AZIN2: variants seen among roughly 807,000 people sequenced by gnomAD.
AZIN2 encodes ODC antizyme inhibitor-2.
Under a neutral mutation model 47.8 loss-of-function variants are expected in AZIN2, and 28 were observed. The ratio of observed to expected loss-of-function variants is 0.59; its 90% CI spans 0.43 to 0.80. The LOEUF (loss-of-function observed/expected upper bound fraction) is 0.80, where lower values mean the gene tolerates loss of function less well. Among genes scored for constraint, AZIN2 ranks in the 30% least tolerant of loss-of-function variants. The pLI is 0.00. For missense variants in AZIN2, 535 were observed against 582.5 expected, an observed-to-expected ratio of 0.92 and a Z score of 0.84; for synonymous variants, 221 against 239.4, an observed-to-expected ratio of 0.92 and a Z score of 0.71.
chr1:33,123,825 C>T (rs12040146), downstream of AZIN2, among the ~76,000 whole-genome samples: 32,368 of 152,118 alleles, frequency 0.21, 4,057 homozygotes, highest in South Asian at 0.31. Context: ...AGTGAAACCC[C>T]GTCTCTACTA....
intron 5 of AZIN2, among the ~76,000 whole-genome samples, chr1:33,091,483 G>T (rs56308731): frequency 5.9e-5 from 9 of 151,972 alleles, no homozygotes; most frequent in Non-Finnish European, 1.2e-4. Flanking sequence ...CAAGTGATCT[G>T]CCCACCTCAG....
Position 33,084,025 on chromosome 1 carries a change from C to G in AZIN2, c.177C>G (p.Cys59Trp). Residue 59 changes from cysteine to tryptophan, a missense_variant, in exon 5 of 12, where the codon TGC becomes TGG. This residue lies in a region of AZIN2 where 409 missense variants were observed against 429.0 expected (regional missense o/e 0.95). Coordinates refer to ENST00000294517, the MANE Select transcript of AZIN2 (RefSeq NM_052998.4). The part of the protein sequence containing the change: ...IVRKHFCFLK[C>W]LPRVRPFYAV... ...GGAAGCACTTTTGCTTTCTGAAGTG[C>G]CTGCCACGAGTCCGGCCCTTTTATG... 1.2e-6 allele frequency: 2 copies of G among 1,614,186 alleles called. No homozygotes were observed. The highest frequency in any genetic ancestry group is 8.5e-7 in the Non-Finnish European group (1 of 1,180,052).
At chr1:33,153,871 T>A in the AZIN2 span, among the ~76,000 whole-genome samples, 1 of 152,236 alleles carries the variant, frequency 6.6e-6, no homozygotes, top group Non-Finnish European at 1.5e-5. Flanking sequence ...CTGTGCTAGC[T>A]GCTGGGAGTG....
chr1:33,130,689 T>A, the AZIN2 span, among the ~76,000 whole-genome samples: 1 of 152,290 alleles, frequency 6.6e-6, no homozygotes, highest in African/African-American at 2.4e-5. Context: ...ATAAGTAATA[T>A]TCGTGGTTTT....
chr1:33,109,134 C>G (rs928212708), intron 10 of AZIN2, among the ~76,000 whole-genome samples: 1 of 152,260 alleles, frequency 6.6e-6, no homozygotes, highest in East Asian at 1.9e-4. Flanking sequence ...TATTTGCCAT[C>G]TGTATATATT....
chr1:33,164,740 C>T, the AZIN2 span: 2 of 152,226 alleles, frequency 1.3e-5, no homozygotes, highest in Non-Finnish European at 2.9e-5. Flanking sequence ...GGGACATGCT[C>T]AGGATTGACT....
At chr1:33,106,670 T>C (rs1458065744) in intron 10 of AZIN2, among the ~76,000 whole-genome samples, 1 of 152,214 alleles carries the variant, frequency 6.6e-6, no homozygotes, top group Non-Finnish European at 1.5e-5. Context: ...AAAAATCATA[T>C]GATCATCTCA....
At chr1:33,094,202 G>A (rs1226804449) in intron 7 of AZIN2, among the ~76,000 whole-genome samples, 1 of 152,160 alleles carries the variant, frequency 6.6e-6, no homozygotes, top group Non-Finnish European at 1.5e-5. Flanking sequence ...TCTTGTCCCC[G>A]CATTATAGGT....
downstream of AZIN2, among the ~76,000 whole-genome samples, chr1:33,124,387 G>C (rs950718327): frequency 1.3e-5 from 2 of 150,550 alleles, no homozygotes; most frequent in Non-Finnish European, 3.0e-5. The surrounding 1 kb of genome is among the most constrained non-coding windows in gnomAD (Gnocchi z 4.6). Context: ...AAGATTAATT[G>C]AAAGTGTATT....
the AZIN2 span, among the ~76,000 whole-genome samples, chr1:33,133,960 G>A: frequency 6.6e-6 from 1 of 152,196 alleles, no homozygotes. Context: ...ACTCAACCTG[G>A]CGAGCTGCCT....
At chr1:33,148,837 G>GAC in the AZIN2 span, among the ~76,000 whole-genome samples, 1 of 152,172 alleles carries the variant, frequency 6.6e-6, no homozygotes, top group Non-Finnish European at 1.5e-5. Flanking sequence ...TCTTCCATTT[G>GAC]ACAGATGAGG....
chr1:33,109,483 C>T (rs1644186079), intron 10 of AZIN2, among the ~76,000 whole-genome samples: 1 of 152,002 alleles, frequency 6.6e-6, no homozygotes, highest in Non-Finnish European at 1.5e-5. Flanking sequence ...TGTGCACTAC[C>T]AAGCCTGGCT....
At chr1:33,093,445 T>G (rs1642798515) in intron 7 of AZIN2, 29 bp downstream of exon 7, 9 of 1,607,164 alleles carry the variant, frequency 5.6e-6, no homozygotes, top group Non-Finnish European at 7.7e-6. Flanking sequence ...TGCCATCCCC[T>G]CCCACACCAG....
In AZIN2 at chr1:33,122,899, T is replaced by G. The variant is rs1644821227; in HGVS notation, c.*2717T>G. The stretch of plus-strand genomic sequence containing the variant: ...ACTGGCCCCTTCTTCCCCTTTCCCC[T>G]CCACAGTCCATCCTCCACTCAGCAG... On this transcript the variant is annotated 3_prime_UTR_variant, in exon 12 of 12. Transcript: ENST00000294517. Among the ~76,000 whole-genome samples, 1 of 152,038 alleles carries G rather than the reference T, an allele frequency of 6.6e-6. No homozygotes were observed. Among genetic ancestry groups the G allele is most frequent in the African/African-American group, 2.4e-5 (1 of 41,382 alleles).
In AZIN2 at chr1:33,098,192, C is replaced by A. The variant is rs200375951; in HGVS notation, c.1029+13C>A. Reference sequence around the variant, plus strand: ...CATCCTGCAGAAGGTGAGCTTACCCCACGTGGGCCTGTTTTCAGTTGTGTG... The same window carrying A: ...CATCCTGCAGAAGGTGAGCTTACCCAACGTGGGCCTGTTTTCAGTTGTGTG... On this transcript the variant is annotated intron_variant, in intron 10 of 11. Transcript: ENST00000294517. 817 of 1,576,774 alleles carry A rather than the reference C, an allele frequency of 5.2e-4. No homozygotes were observed. The highest frequency in any genetic ancestry group is 6.6e-4 in the Non-Finnish European group (757 of 1,153,318).
At chr1:33,099,049 G>A (rs1199551340) in intron 10 of AZIN2, among the ~76,000 whole-genome samples, 2 of 152,134 alleles carry the variant, frequency 1.3e-5, no homozygotes, top group South Asian at 2.1e-4. Flanking sequence ...ACAGGCACGA[G>A]CCACCATGCC....
chr1:33,110,290 G>A (rs1254373973), intron 10 of AZIN2, among the ~76,000 whole-genome samples: 1 of 152,142 alleles, frequency 6.6e-6, no homozygotes. Flanking sequence ...AATTCTCTCT[G>A]GAGGAGGAAT....
the AZIN2 span, chr1:33,145,741 A>G: frequency 2.5e-6 from 1 of 397,294 alleles, no homozygotes; most frequent in Non-Finnish European, 5.2e-6. Flanking sequence ...GGGCAGGGAT[A>G]GAGCCAAGGG....
At chr1:33,166,762 A>G in the AZIN2 span, among the ~76,000 whole-genome samples, 2 of 152,178 alleles carry the variant, frequency 1.3e-5, no homozygotes, top group Non-Finnish European at 2.9e-5. Flanking sequence ...CACACAAGAT[A>G]TCAAAATTTT....
Sources: allele counts gnomAD v4.1 joint callset (sites outside exome capture counted in the v4.1 genomes callset), GRCh38; gene constraint gnomAD v4.1.1; regional missense constraint gnomAD v4.1.1; non-coding constraint Gnocchi (gnomAD v3.1); transcripts MANE v1.5; gene names NCBI Gene and HGNC (gene_info 2026-07-23, HGNC 2026-07-21).